Variants in ARHGAP15 observed in about 807,000 individuals in gnomAD.
ARHGAP15 encodes Rho GTPase activating protein 15.
ARHGAP15 carries 51 observed loss-of-function variants against 63.7 expected under a neutral mutation model. The ratio of observed to expected loss-of-function variants is 0.80; its 90% confidence interval spans 0.64 to 1.01. The LOEUF (loss-of-function observed/expected upper bound fraction) is 1.01, where lower values mean the gene tolerates loss of function less well. Among genes scored for constraint, ARHGAP15 ranks in the 50% least tolerant of loss-of-function variants. The probability of loss-of-function intolerance (pLI) is 0.00; values close to 1 mark genes in which losing one functional copy is unlikely to be tolerated. For missense variants in ARHGAP15, 560 were observed against 564.6 expected (o/e 0.99, Z 0.08); for synonymous variants, 191 against 193.8 (o/e 0.99, Z 0.12).
intron 13 of ARHGAP15, among the ~76,000 whole-genome samples, chr2:143,747,914 TC>T (rs1686230795): frequency 6.6e-6 from 1 of 152,204 alleles, no homozygotes; most frequent in African/African-American, 2.4e-5. Flanking sequence ...CCTTGAGACT[TC>T]CTTGTCTGAG....
intron 13 of ARHGAP15, among the ~76,000 whole-genome samples, chr2:143,720,417 C>T (rs2105461245): frequency 6.6e-6 from 1 of 152,286 alleles, no homozygotes; most frequent in Admixed American, 6.5e-5. Context: ...GTAAGGGCCG[C>T]TATCCTGCAG....
At chr2:143,368,743 G>T (rs1479887980) in intron 6 of ARHGAP15, among the ~76,000 whole-genome samples, 3 of 152,108 alleles carry the variant, frequency 2.0e-5, no homozygotes, top group African/African-American at 7.2e-5. Context: ...AAGAAAGCAA[G>T]TGAGAAGCAA....
At chr2:143,666,083 G>T (rs1472022252) in intron 12 of ARHGAP15, among the ~76,000 whole-genome samples, 5 of 151,256 alleles carry the variant, frequency 3.3e-5, no homozygotes. Flanking sequence ...AAGTTCATAT[G>T]GAACCAAAAA....
chr2:143,468,630 T>C (rs1182218043), intron 8 of ARHGAP15, among the ~76,000 whole-genome samples: 1 of 116,982 alleles, frequency 8.5e-6, no homozygotes, highest in Non-Finnish European at 1.7e-5. Context: ...ATGGGTTTCT[T>C]TGTGAGAGAG....
chr2:143,480,706 A>G (rs775295150), intron 8 of ARHGAP15: 3 of 152,212 alleles, frequency 2.0e-5, no homozygotes, highest in Non-Finnish European at 4.4e-5. Context: ...TAAATGACCA[A>G]CAGTACATTA....
intron 1 of ARHGAP15, among the ~76,000 whole-genome samples, chr2:143,132,816 T>C (rs1456492230): frequency 5.3e-5 from 8 of 152,234 alleles, no homozygotes; most frequent in Admixed American, 5.2e-4. Context: ...AATTCCATAA[T>C]TGTACAAAAA....
chr2:143,433,524 G>A lies in ARHGAP15; in HGVS notation c.475-2077G>A, dbSNP rs1278295714. 2.0e-5 allele frequency among the ~76,000 whole-genome samples: 3 copies of A among 152,020 alleles called. No individual in the cohort carries two copies. In the East Asian group the frequency reaches 5.8e-4, roughly 29 times the overall value. On this transcript the variant is annotated intron_variant, in intron 6 of 13. Transcript: ENST00000295095. Reference sequence around the variant, plus strand: ...TAATGCAGTAATATATTTGGACAAAGGAACTTTTAAAATACATTTTGCTTT... The same window carrying A: ...TAATGCAGTAATATATTTGGACAAAAGAACTTTTAAAATACATTTTGCTTT...
chr2:143,188,472 A>T (rs1691533766), intron 2 of ARHGAP15, among the ~76,000 whole-genome samples: 2 of 151,826 alleles, frequency 1.3e-5, no homozygotes, highest in South Asian at 4.1e-4. Flanking sequence ...CCTTTTAAAA[A>T]ATTTCCTCCC....
intron 11 of ARHGAP15, among the ~76,000 whole-genome samples, chr2:143,622,778 AT>A (rs1698687506): frequency 3.0e-5 from 2 of 66,008 alleles, no homozygotes; most frequent in African/African-American, 9.6e-5. Flanking sequence ...TCGTTCATTT[AT>A]TTAAAAAAAA....
At chr2:143,549,742 T>C (rs1695477378) in intron 10 of ARHGAP15, among the ~76,000 whole-genome samples, 1 of 152,170 alleles carries the variant, frequency 6.6e-6, no homozygotes, top group Non-Finnish European at 1.5e-5. Context: ...TCCAACAGAA[T>C]TAGATATACC....
intron 6 of ARHGAP15, among the ~76,000 whole-genome samples, chr2:143,281,041 C>T (rs1681820206): frequency 1.3e-5 from 2 of 152,092 alleles, no homozygotes; most frequent in Admixed American, 1.3e-4. Context: ...AGAACTTATG[C>T]TTAATCCTTA....
intron 3 of ARHGAP15, among the ~76,000 whole-genome samples, chr2:143,214,116 G>A (rs1692658171): frequency 6.6e-6 from 1 of 152,122 alleles, no homozygotes; most frequent in South Asian, 2.1e-4. Context: ...GGTAGCAAAT[G>A]TCTACCGAGG....
At chr2:143,175,350 A>C (rs1690972603) in intron 2 of ARHGAP15, among the ~76,000 whole-genome samples, 1 of 152,204 alleles carries the variant, frequency 6.6e-6, no homozygotes, top group Non-Finnish European at 1.5e-5. Flanking sequence ...ATCACAGATC[A>C]AATGCTAAGT....
chr2:143,200,582 C>A (rs544234600), intron 2 of ARHGAP15, among the ~76,000 whole-genome samples: 1 of 151,826 alleles, frequency 6.6e-6, no homozygotes, highest in East Asian at 1.9e-4. Context: ...CCTCCTCATG[C>A]CCCTTCTTCC....
chr2:143,352,597 A>G (rs897174600), intron 6 of ARHGAP15, among the ~76,000 whole-genome samples: 1 of 152,212 alleles, frequency 6.6e-6, no homozygotes, highest in African/African-American at 2.4e-5. Context: ...CTGGAGAGCC[A>G]CAATACAAAT....
In ARHGAP15 at chr2:143,519,483, G is replaced by A. The variant is rs969260675; in HGVS notation, c.925+119G>A. 9 of 685,916 alleles carry A rather than the reference G, an allele frequency of 1.3e-5. 1 individual carries two copies. In the Middle Eastern group the frequency reaches 1.4e-3, roughly 106 times the overall value. 42.5% of individuals were successfully genotyped at this position (685,916 alleles called of 1,614,324 possible). A position where few individuals can be genotyped will look rare whatever the true frequency, so the allele number is the denominator to read the frequency against. The stretch of plus-strand genomic sequence containing the variant: ...GCCATGCAATTAAAACTTGACTTGT[G>A]TTAATCGGTTAAGAGGATCATCTTT... On this transcript the variant is annotated intron_variant, in intron 10 of 13. Transcript: ENST00000295095.
Position 143,761,531 on chromosome 2 carries a change from A to G in ARHGAP15, c.1245-6458A>G, listed in dbSNP as rs547217954. On this transcript the variant is annotated intron_variant, in intron 13 of 13. Coordinates refer to ENST00000295095, the MANE Select transcript of ARHGAP15 (RefSeq NM_018460.4). ...CAAACTTAAAAGAAAGTTCACATCC[A>G]TAAATCTGTTTGGAGCTGAACTATT... 4.6e-5 allele frequency among the ~76,000 whole-genome samples: 7 copies of G among 152,330 alleles called. No homozygotes were observed. The East Asian group carries it at 1.4e-3, about 29-fold the overall frequency.
intron 10 of ARHGAP15, among the ~76,000 whole-genome samples, chr2:143,524,261 T>C (rs1368346274): frequency 6.6e-6 from 1 of 152,216 alleles, no homozygotes; most frequent in African/African-American, 2.4e-5. Context: ...TAGGTTCCGA[T>C]GTCTGTTTAA....
At chr2:143,335,026 G>A (rs114869094) in intron 6 of ARHGAP15, among the ~76,000 whole-genome samples, 405 of 152,292 alleles carry the variant, frequency 2.7e-3, no homozygotes, top group African/African-American at 9.1e-3. Context: ...TCAAACTCAC[G>A]ATCAAAGGAA....
Sources: allele counts gnomAD v4.1 joint callset (sites outside exome capture counted in the v4.1 genomes callset), GRCh38; gene constraint gnomAD v4.1.1; transcripts MANE v1.5; gene names NCBI Gene and HGNC (gene_info 2026-07-23, HGNC 2026-07-21).